Variants in SEMA6D observed in about 807,000 individuals in gnomAD.
SEMA6D encodes semaphorin 6D, also known as semaphorin-6D.
In SEMA6D, 35 loss-of-function variants were observed where a neutral mutation model predicts 106.6. The observed-to-expected ratio is 0.33, with a 90% CI of 0.25 to 0.44. The LOEUF (loss-of-function observed/expected upper bound fraction) is 0.44. SEMA6D is among the 20% of genes least tolerant of loss of function. SEMA6D has a pLI of 1.00. For synonymous variants in SEMA6D, 499 were observed against 487.7 expected (o/e 1.02, Z -0.31); for missense variants, 1,185 against 1,345.9 (o/e 0.88, Z 1.87).
chr15:47,256,249 T>G (rs1204308286), intron 1 of SEMA6D, among the ~76,000 whole-genome samples: 1 of 152,176 alleles, frequency 6.6e-6, no homozygotes, highest in Non-Finnish European at 1.5e-5. Flanking sequence ...ATTTCAAAAA[T>G]GTACTGAGAT....
At chr15:47,208,580 A>G (rs1895269827) in intron 1 of SEMA6D, among the ~76,000 whole-genome samples, 1 of 152,212 alleles carries the variant, frequency 6.6e-6, no homozygotes, top group African/African-American at 2.4e-5. Flanking sequence ...TTTCTTCAAT[A>G]TAAAGATCTC....
chr15:47,536,911 C>T (rs2045185393), intron 3 of SEMA6D, among the ~76,000 whole-genome samples: 6 of 152,192 alleles, frequency 3.9e-5, no homozygotes, highest in Admixed American at 3.9e-4. Context: ...ATACTTCATG[C>T]TCTTTGCCTT....
chr15:47,390,826 C>T (rs916854324), intron 1 of SEMA6D, among the ~76,000 whole-genome samples: 3 of 152,114 alleles, frequency 2.0e-5, no homozygotes, highest in Non-Finnish European at 2.9e-5. Context: ...AATCTGTCTT[C>T]CCTACTAGAC....
Position 47,336,039 on chromosome 15 carries a change from A to C in SEMA6D, c.-238-76354A>C, listed in dbSNP as rs138832475. 4.6e-5 allele frequency among the ~76,000 whole-genome samples: 7 copies of C among 152,332 alleles called. No individual in the cohort carries two copies. In the East Asian group the frequency reaches 1.4e-3, roughly 29 times the overall value. ...ACATTGCCTGAGGCATATTAATCAA[A>C]ATACAGATTGGCAAAAGGGCTAGTG... On this transcript the variant is annotated intron_variant, in intron 1 of 19. Coordinates refer to the SEMA6D transcript ENST00000558014.
At chr15:47,291,225 T>C (rs1034010861) in intron 1 of SEMA6D, among the ~76,000 whole-genome samples, 2 of 152,224 alleles carry the variant, frequency 1.3e-5, no homozygotes, top group African/African-American at 2.4e-5. Flanking sequence ...CTCAGTGCTA[T>C]AAGGGCAAAA....
intron 4 of SEMA6D, among the ~76,000 whole-genome samples, chr15:47,611,493 G>A (rs1030473056): frequency 2.6e-5 from 4 of 152,062 alleles, no homozygotes; most frequent in African/African-American, 7.2e-5. Flanking sequence ...TATAACGAAC[G>A]TGTGTGTGTG....
At chr15:47,397,149 G>A (rs773321187) in intron 1 of SEMA6D, among the ~76,000 whole-genome samples, 44 of 152,242 alleles carry the variant, frequency 2.9e-4, no homozygotes, top group Non-Finnish European at 4.6e-4. Context: ...GGAAATGGCC[G>A]GCTCTGATTT....
chr15:47,273,056 A>G (rs559299881), intron 1 of SEMA6D, among the ~76,000 whole-genome samples: 44 of 152,286 alleles, frequency 2.9e-4, no homozygotes, highest in African/African-American at 1.0e-3. Flanking sequence ...ACTCGCCTGT[A>G]AGGTTGGGAA....
At chr15:47,493,437 A>G (rs550789236) in intron 3 of SEMA6D, among the ~76,000 whole-genome samples, 1 of 152,170 alleles carries the variant, frequency 6.6e-6, no homozygotes, top group African/African-American at 2.4e-5. Flanking sequence ...CTATCACAAT[A>G]TCTTAGCTAG....
intron 1 of SEMA6D, among the ~76,000 whole-genome samples, chr15:47,409,494 TG>T (rs563231775): frequency 7.1e-4 from 108 of 152,360 alleles, no homozygotes; most frequent in African/African-American, 2.5e-3. Flanking sequence ...GTAAACTCTC[TG>T]GACTTCAGTT....
intron 1 of SEMA6D, among the ~76,000 whole-genome samples, chr15:47,731,773 G>A (rs1299566293): frequency 6.6e-6 from 1 of 152,040 alleles, no homozygotes; most frequent in Non-Finnish European, 1.5e-5. Flanking sequence ...ATGATAAATG[G>A]TTATGCTACC....
intron 1 of SEMA6D, among the ~76,000 whole-genome samples, chr15:47,394,118 A>AT (rs769769352): frequency 2.6e-5 from 4 of 152,120 alleles, no homozygotes; most frequent in Non-Finnish European, 5.9e-5. Flanking sequence ...TCATGGGTAC[A>AT]TTGTCTGCAT....
intron 1 of SEMA6D, among the ~76,000 whole-genome samples, chr15:47,728,302 C>A (rs2079893299): frequency 6.6e-6 from 1 of 152,124 alleles, no homozygotes; most frequent in African/African-American, 2.4e-5. Context: ...TTCATAAAAA[C>A]CAGATAGGTG....
At chr15:47,357,996 G>A (rs565806628) in intron 1 of SEMA6D, among the ~76,000 whole-genome samples, 2 of 152,162 alleles carry the variant, frequency 1.3e-5, no homozygotes, top group South Asian at 4.1e-4. Context: ...CAGATTTACC[G>A]AATGTATTTA....
At chr15:47,378,095 T>TAA (rs1360123876) in intron 1 of SEMA6D, among the ~76,000 whole-genome samples, 1 of 152,182 alleles carries the variant, frequency 6.6e-6, no homozygotes, top group Non-Finnish European at 1.5e-5. Flanking sequence ...TTCTCTCCTT[T>TAA]ATAGAAGCAG....
intron 3 of SEMA6D, among the ~76,000 whole-genome samples, chr15:47,506,486 G>A (rs778063895): frequency 5.3e-5 from 8 of 151,966 alleles, no homozygotes; most frequent in African/African-American, 1.5e-4. Context: ...GAATCAAGTC[G>A]TCATTTCAGG....
chr15:47,576,845 C>T (rs972538611), intron 3 of SEMA6D, among the ~76,000 whole-genome samples: 1 of 152,136 alleles, frequency 6.6e-6, no homozygotes, highest in Non-Finnish European at 1.5e-5. Flanking sequence ...GAGCCTTACG[C>T]GGCTCTCGGA....
At chr15:47,539,182 T>C (rs2045275982) in intron 3 of SEMA6D, among the ~76,000 whole-genome samples, 1 of 152,208 alleles carries the variant, frequency 6.6e-6, no homozygotes, top group Admixed American at 6.5e-5. Context: ...TCAAAGTCTT[T>C]CCTATATTGT....
chr15:47,418,192 C>G (rs2041039480), intron 2 of SEMA6D, among the ~76,000 whole-genome samples: 2 of 151,966 alleles, frequency 1.3e-5, no homozygotes, highest in African/African-American at 4.8e-5. Flanking sequence ...AGGCAGAAAT[C>G]TGAGGAAGAT....
Sources: gnomAD v4.1 joint callset for allele counts (sites outside exome capture counted in the v4.1 genomes callset) on GRCh38, gnomAD v4.1.1 for gene constraint, MANE v1.5 for transcripts, NCBI Gene and HGNC (gene_info 2026-07-23, HGNC 2026-07-21) for gene names.